The following GARIN5B variants were observed in gnomAD, a reference collection of about 807,000 sequenced individuals.
GARIN5B encodes golgi associated RAB2 interactor family member 5B, also known as Golgi-associated RAB2 interactor protein 5B.
chr19:55,360,655 C>G, the GARIN5B span: 1 of 1,539,322 alleles, frequency 6.5e-7, no homozygotes, highest in Non-Finnish European at 8.8e-7. Context: ...CCTCCCTCAG[C>G]TCTGGGGCCT....
the GARIN5B span, chr19:55,360,936 G>C: frequency 6.5e-7 from 1 of 1,542,488 alleles, no homozygotes; most frequent in South Asian, 1.2e-5. Context: ...GACTTTGGTG[G>C]CATCTGGGCT....
chr19:55,360,836 G>A, the GARIN5B span: 18 of 1,549,952 alleles, frequency 1.2e-5, 1 homozygote, highest in South Asian at 2.0e-4. Flanking sequence ...GCAAGGGGTG[G>A]GGTGGGTTGA....
the GARIN5B span, among the ~76,000 whole-genome samples, chr19:55,361,652 CTCTCCTCCCTTG>C: frequency 1.3e-4 from 9 of 66,896 alleles, 1 homozygote; most frequent in African/African-American, 2.8e-4. Flanking sequence ...GGGCCCCAGC[CTCTCCTCCCTTG>C]ACTCAGGGGT....
the GARIN5B span, among the ~76,000 whole-genome samples, chr19:55,356,412 GC>G: frequency 6.6e-6 from 1 of 150,808 alleles, no homozygotes; most frequent in East Asian, 2.0e-4. Context: ...TCGCTCTGTT[GC>G]CCAGGCTGGA....
the GARIN5B span, chr19:55,358,898 T>G: frequency 6.4e-7 from 1 of 1,550,642 alleles, no homozygotes; most frequent in South Asian, 1.2e-5. Context: ...GCCAGGCAGG[T>G]CCGGGGACCT....
the GARIN5B span, among the ~76,000 whole-genome samples, chr19:55,361,614 T>C: frequency 5.3e-3 from 405 of 75,772 alleles, 3 homozygotes; most frequent in Middle Eastern, 0.02. Flanking sequence ...AGGCCCCCAG[T>C]CCCTCCTCCC....
chr19:55,358,249 T>C, the GARIN5B span: 2 of 1,551,006 alleles, frequency 1.3e-6, no homozygotes, highest in African/African-American at 2.7e-5. Context: ...AAAGAATTTC[T>C]GAAGACGACC....
chr19:55,363,079 G>T, the GARIN5B span: 2 of 1,492,772 alleles, frequency 1.3e-6, no homozygotes, highest in Non-Finnish European at 1.8e-6. The surrounding 1 kb of genome is among the most constrained non-coding windows in gnomAD (Gnocchi z 4.0). Flanking sequence ...TGGCTGTGGT[G>T]GATGGGTACT....
chr19:55,359,218 C>T, the GARIN5B span: 4 of 1,551,202 alleles, frequency 2.6e-6, no homozygotes, highest in East Asian at 2.4e-5. Flanking sequence ...GCGGGCTCAG[C>T]GCCATCTGGT....
chr19:55,362,257 G>A, the GARIN5B span: 2 of 1,534,870 alleles, frequency 1.3e-6, no homozygotes, highest in South Asian at 2.5e-5. Context: ...GCAGGTGCCA[G>A]GTGGAGGCAG....
At chr19:55,362,994 C>A in the GARIN5B span, 7 of 1,484,946 alleles carry the variant, frequency 4.7e-6, no homozygotes, top group South Asian at 9.5e-5. Flanking sequence ...TTTTGCAGCT[C>A]CCCCAGAACA....
chr19:55,355,381 G>A, the GARIN5B span: 99 of 1,548,392 alleles, frequency 6.4e-5, no homozygotes, highest in Non-Finnish European at 8.6e-5. Flanking sequence ...GAGCTTTGGG[G>A]GACAGGGTAG....
At chr19:55,361,471 T>C in the GARIN5B span, 2 of 1,463,218 alleles carry the variant, frequency 1.4e-6, no homozygotes, top group Non-Finnish European at 1.8e-6. Context: ...GGCCCGGGCT[T>C]CCACATCTCC....
chr19:55,359,698 G>A, the GARIN5B span: 2 of 1,551,496 alleles, frequency 1.3e-6, no homozygotes, highest in Middle Eastern at 1.7e-4. Flanking sequence ...GCCCCTGGTG[G>A]GAGCCCATAG....
the GARIN5B span, chr19:55,363,203 C>G: frequency 4.9e-5 from 46 of 938,554 alleles, no homozygotes; most frequent in East Asian, 1.5e-3. The surrounding 1 kb of genome is among the most constrained non-coding windows in gnomAD (Gnocchi z 4.0). Context: ...TGGAGATGCC[C>G]CAGGCTGGGA....
the GARIN5B span, chr19:55,362,514 G>C: frequency 2.0e-6 from 3 of 1,536,750 alleles, no homozygotes; most frequent in Non-Finnish European, 2.6e-6. Flanking sequence ...CTGGGAGAGG[G>C]AGAGGGGAGC....
the GARIN5B span, chr19:55,359,604 G>T: frequency 2.1e-5 from 33 of 1,551,342 alleles, no homozygotes; most frequent in South Asian, 3.8e-4. Flanking sequence ...ACAGCTGGGA[G>T]CTTCTGGGAC....
the GARIN5B span, chr19:55,362,269 C>T: frequency 3.9e-6 from 6 of 1,533,864 alleles, no homozygotes; most frequent in Admixed American, 4.0e-5. Context: ...TGGAGGCAGG[C>T]GCTTCGGCCA....
chr19:55,362,212 G>T, the GARIN5B span: 1 of 1,488,792 alleles, frequency 6.7e-7, no homozygotes, highest in Non-Finnish European at 8.9e-7. Context: ...CCTGGGGCCT[G>T]CCATGCCCTG....
Sources: gnomAD v4.1 joint callset for allele counts (sites outside exome capture counted in the v4.1 genomes callset) on GRCh38, gnomAD v4.1.1 for gene constraint, Gnocchi (gnomAD v3.1) non-coding constraint, MANE v1.5 for transcripts, NCBI Gene and HGNC (gene_info 2026-07-23, HGNC 2026-07-21) for gene names.